Variants in RUNX3 observed in about 807,000 individuals in gnomAD.
RUNX3 encodes runt-related transcription factor 3.
A neutral mutation model predicts 27.7 loss-of-function variants in RUNX3; 10 were observed. The ratio of observed to expected loss-of-function variants is 0.36; its 90% CI spans 0.22 to 0.61. The LOEUF (loss-of-function observed/expected upper bound fraction) is 0.61. Ranked by LOEUF, RUNX3 falls within the 20% of genes least tolerant of loss-of-function variation. The pLI is 0.72. For missense variants in RUNX3, 469 were observed against 629.5 expected (o/e 0.75, Z 2.73); for synonymous variants, 270 against 269.2 (o/e 1.00, Z -0.03).
At chr1:24,910,373 C>T (rs1237025984) in intron 3 of RUNX3, among the ~76,000 whole-genome samples, 2 of 150,800 alleles carry the variant, frequency 1.3e-5, no homozygotes, top group East Asian at 1.9e-4. Context: ...ATGACATGTG[C>T]GTTTTCTAGT....
At position 24,910,535 on chromosome 1, in the gene RUNX3, C is replaced by T. The variant is rs572760824; in HGVS notation, c.545-3118G>A. ...CATGAGGGGACAGAGCCCGAGGCCTCGCATGGGCCTGATTTCTGATTTTCA... is the reference window on the plus strand; with the variant it reads ...CATGAGGGGACAGAGCCCGAGGCCTTGCATGGGCCTGATTTCTGATTTTCA... On this transcript the variant is annotated intron_variant, in intron 3 of 4. Transcript: ENST00000308873. 9.2e-5 allele frequency among the ~76,000 whole-genome samples: 14 copies of T among 152,316 alleles called. No individual in the cohort carries two copies. In the East Asian group the frequency reaches 2.5e-3, roughly 27 times the overall value.
upstream of RUNX3, among the ~76,000 whole-genome samples, chr1:24,932,668 A>G (rs1467207646): frequency 6.6e-6 from 1 of 152,174 alleles, no homozygotes; most frequent in African/African-American, 2.4e-5. Flanking sequence ...AGAACAGGCT[A>G]GCTTGTTCCC....
rs1188039872 is a variant in RUNX3 at position 24,914,681 on chromosome 1, C to T, written c.544+4559G>A. Among the ~76,000 whole-genome samples, 33 of 152,128 alleles carry T rather than the reference C, an allele frequency of 2.2e-4. 1 individual carries two copies. The highest frequency in any genetic ancestry group is 2.2e-3 in the Admixed American group (33 of 15,288). On this transcript the variant is annotated intron_variant, in intron 3 of 4. Coordinates refer to ENST00000308873, the MANE Select transcript of RUNX3 (RefSeq NM_004350.3). Reference sequence around the variant, plus strand: ...CTGGGCAGACTCCGCTAGCCCTGCCCCTAGCGCAGGAGACACTCCTGGGGG... The same window carrying T: ...CTGGGCAGACTCCGCTAGCCCTGCCTCTAGCGCAGGAGACACTCCTGGGGG...
intron 2 of RUNX3, among the ~76,000 whole-genome samples, chr1:24,942,588 G>A: frequency 6.6e-6 from 1 of 152,042 alleles, no homozygotes; most frequent in Non-Finnish European, 1.5e-5. Flanking sequence ...GGGAGAAGGG[G>A]GCTGGTAGGA....
chr1:24,907,319 G>T lies in RUNX3; in HGVS notation c.643C>A (p.Pro215Thr). Reference sequence around the variant, plus strand: ...CTTGTGGTGCTGAGTGAGCCTCGGGGGCTGGGTGTGCTCGGTGTCACCCGC... The same window carrying T: ...CTTGTGGTGCTGAGTGAGCCTCGGGTGCTGGGTGTGCTCGGTGTCACCCGC... ...RMRVTPSTPS[P>T]RGSLSTTSHF... The change falls in exon 4 of 5, where the codon CCC becomes ACC. Residue 215 changes from proline (P) to threonine (T), a missense_variant. Pro to Thr is a conservative substitution (Grantham distance 38). Coordinates refer to ENST00000308873, the MANE Select transcript of RUNX3 (RefSeq NM_004350.3). 2 of 1,613,324 alleles carry T rather than the reference G, an allele frequency of 1.2e-6. No individual in the cohort carries two copies. The highest frequency in any genetic ancestry group is 1.7e-6 in the Non-Finnish European group (2 of 1,180,014).
chr1:24,912,806 C>A (rs1196615050), intron 3 of RUNX3, among the ~76,000 whole-genome samples: 2 of 151,666 alleles, frequency 1.3e-5, no homozygotes, highest in East Asian at 3.9e-4. Context: ...TCTATTGTGG[C>A]GGAAGAGGGC....
intron 3 of RUNX3, among the ~76,000 whole-genome samples, chr1:24,909,800 G>A (rs1640762442): frequency 6.6e-6 from 1 of 152,226 alleles, no homozygotes; most frequent in African/African-American, 2.4e-5. Flanking sequence ...GTGCACTCCA[G>A]GGTTCGGCTG....
chr1:24,942,801 A>G (rs576822475), intron 2 of RUNX3, among the ~76,000 whole-genome samples: 1 of 152,308 alleles, frequency 6.6e-6, no homozygotes, highest in Non-Finnish European at 1.5e-5. Context: ...GAGGGTCAGC[A>G]TCAGCGGTGC....
chr1:24,933,647 C>G (rs1641282788), upstream of RUNX3, among the ~76,000 whole-genome samples: 1 of 152,188 alleles, frequency 6.6e-6, no homozygotes, highest in African/African-American at 2.4e-5. Flanking sequence ...TTCCAGCAAC[C>G]ATCACAGGGC....
At chr1:24,922,042 C>T (rs945923821) in intron 2 of RUNX3, among the ~76,000 whole-genome samples, 1 of 152,144 alleles carries the variant, frequency 6.6e-6, no homozygotes, top group Non-Finnish European at 1.5e-5. Flanking sequence ...CCTGGACCTC[C>T]CGGGCTCAAG....
At chr1:24,956,430 A>G (rs1453938096) in intron 2 of RUNX3, among the ~76,000 whole-genome samples, 1 of 152,176 alleles carries the variant, frequency 6.6e-6, no homozygotes, top group African/African-American at 2.4e-5. Flanking sequence ...GTTTCCCTCT[A>G]GTCTTTTTTC....
At chr1:24,930,515 A>G (rs541421484), upstream of RUNX3, among the ~76,000 whole-genome samples, 2 of 151,978 alleles carry the variant, frequency 1.3e-5, no homozygotes, top group South Asian at 4.2e-4. This position sits in a 1 kb window ranked among gnomAD's most constrained non-coding sequence, Gnocchi z 4.1. Flanking sequence ...AGCCCGGGGC[A>G]AATGCTAGAA....
chr1:24,956,943 G>A (rs1359245246), intron 2 of RUNX3, among the ~76,000 whole-genome samples: 2 of 151,480 alleles, frequency 1.3e-5, no homozygotes, highest in South Asian at 2.1e-4. Context: ...GCAGACTGTG[G>A]ACACTCAGGT....
chr1:24,929,894 A>G lies in RUNX3; in HGVS notation c.-26T>C. 1 of 1,254,594 alleles carries G rather than the reference A, an allele frequency of 8.0e-7. No homozygotes were observed. Among genetic ancestry groups the G allele is most frequent in the Non-Finnish European group, 1.0e-6 (1 of 1,002,330 alleles). The allele number at this position is 1,254,594 out of a possible 1,614,324, so 77.7% of individuals were successfully genotyped here. A position where few individuals can be genotyped will look rare whatever the true frequency, so the allele number is the denominator to read the frequency against. On this transcript the variant is annotated 5_prime_UTR_variant, in exon 1 of 5. Coordinates refer to ENST00000308873, the MANE Select transcript of RUNX3 (RefSeq NM_004350.3). ...AACAGCGGCCGTCAGGGCGCCGGGC[A>G]GGCGGAGACGGCGCGGCTTCCCCCG...
At chr1:24,919,459 G>T in intron 2 of RUNX3, 115 bp from the exon 3 acceptor site, 1 of 649,380 alleles carries the variant, frequency 1.5e-6, no homozygotes, top group Non-Finnish European at 2.7e-6. Flanking sequence ...GGGGCACTCT[G>T]TCCTCTTTGA....
chr1:24,909,802 G>T (rs1438060560), intron 3 of RUNX3, among the ~76,000 whole-genome samples: 1 of 152,210 alleles, frequency 6.6e-6, no homozygotes, highest in Non-Finnish European at 1.5e-5. Context: ...GCACTCCAGG[G>T]TTCGGCTGAT....
Position 24,929,767 on chromosome 1 carries a change from G to A in RUNX3, c.102C>T (p.Gly34=). The A allele has an allele frequency of 2.1e-6, 3 of 1,461,150 alleles. No homozygotes were observed. The highest frequency in any genetic ancestry group is 1.5e-5 in the African/African-American group (1 of 67,358). The allele number at this position is 1,461,150 out of a possible 1,614,324, so 90.5% of individuals were successfully genotyped here. ...CCACGGCCGCCTGCGCGCTCAGCGC[G>A]CCGCTGTTCTCGCCCATCTTGCCGC... ...GGGGKMGENS[G]ALSAQAAVGP... is the part of the protein sequence containing the mutation. Residue 34 remains glycine (G), a synonymous_variant, in exon 1 of 5, where the codon GGC becomes GGT. Transcript: ENST00000308873.
At chr1:24,915,355 C>T (rs889434749) in intron 3 of RUNX3, among the ~76,000 whole-genome samples, 13 of 152,138 alleles carry the variant, frequency 8.5e-5, no homozygotes, top group Admixed American at 2.6e-4. Flanking sequence ...ACCTGGGAGG[C>T]GGAGGTTGCT....
At position 24,902,171 on chromosome 1, in the gene RUNX3, G is replaced by A. The variant is rs1476523757; in HGVS notation, c.1199C>T (p.Ala400Val). 2.5e-6 allele frequency: 4 copies of A among 1,571,846 alleles called. No individual in the cohort carries two copies. Among genetic ancestry groups the A allele is most frequent in the Non-Finnish European group, 2.6e-6 (3 of 1,160,386 alleles). ...ATCCATGCGGCCTGGCGTGCTCAGG[G>A]CCGTGGGTGAGTTGCTGTGGCTGCC... ...ADGSHSNSPT[A>V]LSTPGRMDEA... The change falls in exon 5 of 5, where the codon GCC (alanine) becomes GTC (valine). Residue 400 changes from alanine to valine, a missense_variant. By Grantham distance (64) the Ala-to-Val change is moderately conservative. Transcript: ENST00000308873. The surrounding 1 kb of genome is among the most constrained non-coding windows in gnomAD (Gnocchi z 9.2).
Sources: gnomAD v4.1 joint callset for allele counts (sites outside exome capture counted in the v4.1 genomes callset) on GRCh38, gnomAD v4.1.1 for gene constraint, Gnocchi (gnomAD v3.1) non-coding constraint, MANE v1.5 for transcripts, NCBI Gene and HGNC (gene_info 2026-07-23, HGNC 2026-07-21) for gene names.